Variants in MFHAS1 observed in about 807,000 individuals in gnomAD.
The protein encoded by MFHAS1 is malignant fibrous histiocytoma-amplified sequence 1.
In MFHAS1, 50 loss-of-function variants were observed where a neutral mutation model predicts 70.4. The ratio of observed to expected loss-of-function variants is 0.71; its 90% CI spans 0.57 to 0.90. The LOEUF is 0.90. Among genes scored for constraint, MFHAS1 ranks in the 40% least tolerant of loss-of-function variants. The probability of loss-of-function intolerance (pLI) is 0.00; values close to 1 mark genes in which losing one functional copy is unlikely to be tolerated. For missense variants in MFHAS1, 1,795 were observed against 1,347.6 expected (o/e 1.33, Z -5.20); for synonymous variants, 952 against 620.0 (o/e 1.54, Z -7.96).
intron 1 of MFHAS1, among the ~76,000 whole-genome samples, chr8:8,873,428 A>G (rs1809164778): frequency 6.6e-6 from 1 of 152,072 alleles, no homozygotes. Context: ...TACGTCATTA[A>G]GTATGTTTTA....
intron 1 of MFHAS1, among the ~76,000 whole-genome samples, chr8:8,868,869 G>A (rs902086610): frequency 6.6e-6 from 1 of 151,990 alleles, no homozygotes; most frequent in Non-Finnish European, 1.5e-5. Context: ...GCTAGGGGAA[G>A]AGAAAAAGGG....
chr8:8,826,806 A>T (rs1807181241), intron 1 of MFHAS1, among the ~76,000 whole-genome samples: 2 of 152,210 alleles, frequency 1.3e-5, no homozygotes, highest in Non-Finnish European at 2.9e-5. Context: ...TCCTCCTTAC[A>T]TCTTTTTTCC....
At chr8:8,861,688 T>C (rs1304409910) in intron 1 of MFHAS1, among the ~76,000 whole-genome samples, 1 of 152,214 alleles carries the variant, frequency 6.6e-6, no homozygotes, top group Non-Finnish European at 1.5e-5. Context: ...AGGTAGAATA[T>C]TCCCGTCACC....
At chr8:8,816,489 C>A (rs1242687858) in intron 1 of MFHAS1, among the ~76,000 whole-genome samples, 4 of 152,164 alleles carry the variant, frequency 2.6e-5, no homozygotes, top group Non-Finnish European at 4.4e-5. Flanking sequence ...GCTAAAGAAT[C>A]AGGGAATCTC....
At chr8:8,827,646 T>C (rs555185401) in intron 1 of MFHAS1, among the ~76,000 whole-genome samples, 14 of 152,356 alleles carry the variant, frequency 9.2e-5, no homozygotes, top group African/African-American at 2.4e-4. Flanking sequence ...AGGCTGCAAA[T>C]ATTTTTCTCC....
At chr8:8,815,794 G>A (rs541540710) in intron 1 of MFHAS1, among the ~76,000 whole-genome samples, 5 of 152,192 alleles carry the variant, frequency 3.3e-5, no homozygotes, top group Admixed American at 2.0e-4. Flanking sequence ...CAGCTATGCC[G>A]CTCCTAGATA....
At chr8:8,847,370 C>A (rs1238132107) in intron 1 of MFHAS1, among the ~76,000 whole-genome samples, 3 of 152,006 alleles carry the variant, frequency 2.0e-5, no homozygotes, top group African/African-American at 4.8e-5. Context: ...TTAGTAGAGA[C>A]GGGGTTTCAC....
chr8:8,824,577 G>C (rs1807087751), intron 1 of MFHAS1, among the ~76,000 whole-genome samples: 1 of 148,572 alleles, frequency 6.7e-6, no homozygotes, highest in African/African-American at 2.5e-5. Context: ...ACCCCTTTCT[G>C]CTCCATCAGA....
chr8:8,890,785 T>C lies in MFHAS1; in HGVS notation c.2274A>G (p.Gly758=). ...LLHKLLLGTS[G]EGKAEGESSP... Reference sequence around the variant, plus strand: ...AGCTTTCCCCCTCCGCCTTGCCCTCTCCACTGGTCCCTAGGAGCAGCTTAT... The same window carrying C: ...AGCTTTCCCCCTCCGCCTTGCCCTCCCCACTGGTCCCTAGGAGCAGCTTAT... Residue 758 remains glycine, a synonymous_variant, in exon 1 of 3, where the codon GGA becomes GGG. Coordinates refer to ENST00000276282, the MANE Select transcript of MFHAS1 (RefSeq NM_004225.3). The C allele has an allele frequency of 6.2e-7, 1 of 1,614,104 alleles. No individual in the cohort carries two copies. Among genetic ancestry groups the C allele is most frequent in the South Asian group, 1.1e-5 (1 of 91,086 alleles).
intron 1 of MFHAS1, among the ~76,000 whole-genome samples, chr8:8,876,491 T>C (rs1406933383): frequency 2.0e-5 from 3 of 151,978 alleles, no homozygotes; most frequent in East Asian, 3.9e-4. Context: ...TCCCAGCACT[T>C]TGGGAGGATG....
chr8:8,811,903 A>G (rs532610509), intron 1 of MFHAS1, among the ~76,000 whole-genome samples: 29 of 152,290 alleles, frequency 1.9e-4, no homozygotes, highest in African/African-American at 4.8e-4. Flanking sequence ...CTTCTTCCAC[A>G]GGGTACACAA....
At chr8:8,863,449 A>C (rs145554520) in intron 1 of MFHAS1, among the ~76,000 whole-genome samples, 415 of 152,296 alleles carry the variant, frequency 2.7e-3, no homozygotes, top group African/African-American at 9.5e-3. Context: ...TCCTGCCTAG[A>C]TGGAGCATAA....
rs10112354 is a variant in MFHAS1 at position 8,796,537 on chromosome 8, A to T, written c.3125+828T>A. 6.1e-3 allele frequency among the ~76,000 whole-genome samples: 913 copies of T among 149,436 alleles called. 13 individuals are homozygous for T. The highest frequency in any genetic ancestry group is 0.021 in the African/African-American group (849 of 40,552). ...TCTCTACTAAAAATACAAAAAAATT[A>T]GCCGGGCGCGGTGGCGGGCGCCTGT... On this transcript the variant is annotated intron_variant, in intron 2 of 2. Coordinates refer to ENST00000276282, the MANE Select transcript of MFHAS1 (RefSeq NM_004225.3).
In MFHAS1 at chr8:8,812,130, A is replaced by G. The variant is rs113996481; in HGVS notation, c.2999-14639T>C. On this transcript the variant is annotated intron_variant, in intron 1 of 2. Coordinates refer to ENST00000276282, the MANE Select transcript of MFHAS1 (RefSeq NM_004225.3). ...GCGACTCCAATGCCAACCTCTTAGA[A>G]TATTTTCTCAATTTTGAGGATTACA... is the stretch of plus-strand genomic sequence containing the variant. Among the ~76,000 whole-genome samples, 789 of 151,798 alleles carry G rather than the reference A, an allele frequency of 5.2e-3. 9 individuals carry two copies. Among genetic ancestry groups the G allele is most frequent in the African/African-American group, 0.018 (742 of 41,486 alleles).
chr8:8,873,506 A>G (rs984960237), intron 1 of MFHAS1, among the ~76,000 whole-genome samples: 1 of 149,132 alleles, frequency 6.7e-6, no homozygotes, highest in South Asian at 2.1e-4. Context: ...GGTCAAACAC[A>G]TTTTAGAGTG....
intron 1 of MFHAS1, among the ~76,000 whole-genome samples, chr8:8,831,998 C>G (rs1308238097): frequency 6.6e-6 from 1 of 151,258 alleles, no homozygotes; most frequent in East Asian, 1.9e-4. Context: ...AACTGGATAT[C>G]TGTATGGAAA....
At position 8,803,983 on chromosome 8, in the gene MFHAS1, C is replaced by G. The variant is rs141368562; in HGVS notation, c.2999-6492G>C. ...TGAGACTCTGTCTCAGAAAACTAAA[C>G]TAAAATAAAATAAAGCATCCGGGAG... On this transcript the variant is annotated intron_variant, in intron 1 of 2. Coordinates refer to ENST00000276282, the MANE Select transcript of MFHAS1 (RefSeq NM_004225.3). 6.5e-3 allele frequency among the ~76,000 whole-genome samples: 989 copies of G among 152,162 alleles called. 12 individuals carry two copies. The highest frequency in any genetic ancestry group is 0.051 in the South Asian group (244 of 4,816).
intron 1 of MFHAS1, among the ~76,000 whole-genome samples, chr8:8,813,413 G>A (rs924100157): frequency 2.6e-5 from 4 of 151,910 alleles, no homozygotes; most frequent in Non-Finnish European, 4.4e-5. Context: ...CCAGGAGAAG[G>A]CATTTTTATT....
At chr8:8,829,331 C>T (rs1750080857) in intron 1 of MFHAS1, among the ~76,000 whole-genome samples, 2 of 152,232 alleles carry the variant, frequency 1.3e-5, no homozygotes, top group African/African-American at 4.8e-5. Context: ...ATCTTCTTCA[C>T]TGCCTTTCTC....
Sources: gnomAD v4.1 joint callset for allele counts (sites outside exome capture counted in the v4.1 genomes callset) on GRCh38, gnomAD v4.1.1 for gene constraint, MANE v1.5 for transcripts, NCBI Gene and HGNC (gene_info 2026-07-23, HGNC 2026-07-21) for gene names.